The following VPS13D variants were observed in gnomAD, a reference collection of about 807,000 sequenced individuals.
The protein encoded by VPS13D is vacuolar protein sorting 13 homolog D, also known as intermembrane lipid transfer protein VPS13D.
Under a neutral mutation model 461.9 loss-of-function variants are expected in VPS13D, and 187 were observed. That is an observed-to-expected ratio of 0.40 (90% confidence interval 0.36 to 0.46). The LOEUF (loss-of-function observed/expected upper bound fraction) is 0.46, where lower values mean the gene tolerates loss of function less well. Among genes scored for constraint, VPS13D ranks in the 20% least tolerant of loss-of-function variants. The probability of loss-of-function intolerance (pLI) is 0.60; values close to 1 mark genes in which losing one functional copy is unlikely to be tolerated. For missense variants in VPS13D, 4,711 were observed against 5,364.9 expected, an observed-to-expected ratio of 0.88 and a Z score of 3.81; for synonymous variants, 1,951 against 1,986.3, an observed-to-expected ratio of 0.98 and a Z score of 0.47.
intron 2 of VPS13D, among the ~76,000 whole-genome samples, chr1:12,237,819 C>T (rs550194884): frequency 1.3e-5 from 2 of 151,836 alleles, no homozygotes; most frequent in African/African-American, 2.4e-5. Flanking sequence ...AGAGCAAGAC[C>T]CTGTTTCAAA....
Position 12,378,596 on chromosome 1 carries a change from T to C in VPS13D, c.11081+5T>C. On this transcript the variant is annotated splice_donor_5th_base_variant and intron_variant, in intron 56 of 69. Coordinates refer to ENST00000620676, the MANE Select transcript of VPS13D (RefSeq NM_015378.4). ...CGCTGCAGTGACTGACAACAGGTAA[T>C]TTTCTAGGCAACTTTTGATTCAAGC... The C allele has an allele frequency of 2.6e-6, 4 of 1,537,860 alleles. No individual in the cohort carries two copies. The highest frequency in any genetic ancestry group is 3.5e-6 in the Non-Finnish European group (4 of 1,139,722).
At chr1:12,311,397 A>G (rs1226175405) in intron 27 of VPS13D, 57 bp from the exon 28 acceptor site, 49 of 1,523,924 alleles carry the variant, frequency 3.2e-5, no homozygotes, top group African/African-American at 9.7e-5. Context: ...GGCGTGAGCT[A>G]TGTCAGTGTT....
chr1:12,275,730 GT>G lies in VPS13D; in HGVS notation c.2237-93del, dbSNP rs1308743676. ...CCTCAGTTTTCTTAAACAAACTGGG[GT>G]TGGTTGATTCTCTACCTTTCATAAT... is the stretch of plus-strand genomic sequence containing the variant. On this transcript the variant is annotated intron_variant, in intron 18 of 69. Transcript: ENST00000620676. The G allele has an allele frequency of 2.3e-6, 3 of 1,279,402 alleles. No individual in the cohort carries two copies. In the African/African-American group the frequency reaches 4.5e-5, roughly 19 times the overall value. The allele number at this position is 1,279,402 out of a possible 1,614,324, so 79.3% of individuals were successfully genotyped here.
intron 64 of VPS13D, among the ~76,000 whole-genome samples, chr1:12,416,193 TGGA>T (rs1252065091): frequency 6.6e-6 from 1 of 152,052 alleles, no homozygotes; most frequent in Non-Finnish European, 1.5e-5. Context: ...AAAGAAACAG[TGGA>T]GGTTTGCTTG....
In VPS13D at chr1:12,327,835, C is replaced by T. The variant is rs566696841; in HGVS notation, c.8178C>T (p.Leu2726=). ...ACTGCATGGATTGTGATGTTCCTCT[C>T]GCTGAACTCACCTTTTCCCGTGAGT... ...IDDCMDCDVP[L]AELTFSRLNF... The change falls in exon 36 of 70, where the codon CTC becomes CTT. Residue 2726 remains leucine, a synonymous_variant. Coordinates refer to ENST00000620676, the MANE Select transcript of VPS13D (RefSeq NM_015378.4). 3.0e-5 allele frequency: 48 copies of T among 1,613,868 alleles called. No homozygotes were observed. Among genetic ancestry groups the T allele is most frequent in the Admixed American group, 3.3e-5 (2 of 60,018 alleles).
chr1:12,331,145 G>A (rs538369810), intron 37 of VPS13D, among the ~76,000 whole-genome samples: 3 of 152,256 alleles, frequency 2.0e-5, no homozygotes, highest in East Asian at 3.9e-4. Context: ...TAATATATTA[G>A]GGCCAAGTGG....
intron 1 of VPS13D, among the ~76,000 whole-genome samples, chr1:12,230,652 T>C (rs1002853876): frequency 6.6e-6 from 1 of 151,986 alleles, no homozygotes; most frequent in African/African-American, 2.4e-5. Context: ...GAGGTCACAC[T>C]CTCGCGTGGA....
At chr1:12,503,371 A>T (rs1427406861) in intron 68 of VPS13D, among the ~76,000 whole-genome samples, 1 of 150,554 alleles carries the variant, frequency 6.6e-6, no homozygotes, top group Non-Finnish European at 1.5e-5. Flanking sequence ...TTTAATAGAG[A>T]TGGGGTCTCA....
rs1644478606 is a variant in VPS13D at position 12,395,137 on chromosome 1, CT to C, written c.11635-5043del. ...CTGAGGAGAATCAACATTACTTTGC[CT>C]GGCAGCTGCCTCAAGAGAGGTCATC... On this transcript the variant is annotated intron_variant, in intron 60 of 69. Coordinates refer to ENST00000620676, the MANE Select transcript of VPS13D (RefSeq NM_015378.4). 2.6e-5 allele frequency among the ~76,000 whole-genome samples: 4 copies of C among 152,276 alleles called. No homozygotes were observed. In the East Asian group the frequency reaches 7.7e-4, roughly 29 times the overall value.
At chr1:12,471,921 GA>G (rs113476726) in intron 67 of VPS13D, among the ~76,000 whole-genome samples, 1,764 of 148,702 alleles carry the variant, frequency 0.012, 39 homozygotes, top group African/African-American at 0.04. Context: ...CTTTAAAAAA[GA>G]AAAAAAAAAT....
At chr1:12,444,699 C>T (rs887314206) in intron 65 of VPS13D, among the ~76,000 whole-genome samples, 5 of 152,132 alleles carry the variant, frequency 3.3e-5, no homozygotes, top group African/African-American at 1.2e-4. Flanking sequence ...GTAAAACTGT[C>T]CATCTTATTT....
Position 12,333,304 on chromosome 1 carries a change from G to T in VPS13D, c.8366G>T (p.Arg2789Leu). Residue 2789 changes from arginine (R) to leucine (L), a missense_variant, in exon 38 of 70, where the codon CGA (arginine) becomes CTA (leucine). Arg to Leu is a moderately radical substitution (Grantham distance 102). Around this residue, in one of 3 missense-constraint regions of VPS13D, gnomAD observed 4,411 missense variants for 4,937.8 expected, o/e 0.89. Coordinates refer to ENST00000620676, the MANE Select transcript of VPS13D (RefSeq NM_015378.4). ...QQAASRLHPP[R>L]LKLEAKAKPR... ...GCAGCTAGTCGTCTCCATCCTCCTC[G>T]ACTGAAGCTAGAAGCCAAGGCCAAA... The T allele has an allele frequency of 6.2e-7, 1 of 1,614,076 alleles. No individual in the cohort carries two copies. Among genetic ancestry groups the T allele is most frequent in the Non-Finnish European group, 8.5e-7 (1 of 1,179,974 alleles).
At chr1:12,338,403 G>A (rs1006574587) in intron 40 of VPS13D, 98 bp downstream of exon 40, 115 of 1,042,772 alleles carry the variant, frequency 1.1e-4, no homozygotes, top group Non-Finnish European at 1.0e-4. Flanking sequence ...TGAATTGGGG[G>A]TATTCCATGT....
At chr1:12,330,599 ACT>A (rs1643304846) in intron 37 of VPS13D, among the ~76,000 whole-genome samples, 1 of 151,720 alleles carries the variant, frequency 6.6e-6, no homozygotes, top group African/African-American at 2.4e-5. Context: ...ACCGAGTCTC[ACT>A]CTGTCACCCA....
chr1:12,449,903 T>C (rs911259024), intron 65 of VPS13D, among the ~76,000 whole-genome samples: 3 of 152,174 alleles, frequency 2.0e-5, no homozygotes, highest in Admixed American at 6.5e-5. Context: ...GGTAGGCAGA[T>C]CACATGAAGC....
intron 1 of VPS13D, among the ~76,000 whole-genome samples, chr1:12,231,786 C>G (rs1639981940): frequency 6.6e-5 from 10 of 152,126 alleles, no homozygotes; most frequent in Non-Finnish European, 1.2e-4. Flanking sequence ...GTCAGGATTT[C>G]AGACCAGCCT....
chr1:12,436,111 A>G lies in VPS13D; in HGVS notation c.12333+19284A>G, dbSNP rs137948362. On this transcript the variant is annotated intron_variant, in intron 65 of 69. Coordinates refer to ENST00000620676, the MANE Select transcript of VPS13D (RefSeq NM_015378.4). ...TGTGCTAGGCACAGGGGACACAGACATAAACAAAACAAAGCCCTCTCCCCT... is the reference window on the plus strand; with the variant it reads ...TGTGCTAGGCACAGGGGACACAGACGTAAACAAAACAAAGCCCTCTCCCCT... Among the ~76,000 whole-genome samples the G allele has an allele frequency of 3.6e-4, 55 of 152,372 alleles. No individual in the cohort carries two copies. The East Asian group carries it at 9.2e-3, about 26-fold the overall frequency.
intron 35 of VPS13D, among the ~76,000 whole-genome samples, chr1:12,326,320 G>GTTTTTTTTTTT (rs1373395284): frequency 8.6e-6 from 1 of 116,736 alleles, no homozygotes; most frequent in African/African-American, 3.4e-5. Context: ...GAACCTTTTG[G>GTTTTTTTTTTT]ATTTTTTTTT....
At chr1:12,471,920 A>G (rs1263628800) in intron 67 of VPS13D, among the ~76,000 whole-genome samples, 1 of 151,930 alleles carries the variant, frequency 6.6e-6, no homozygotes, top group African/African-American at 2.4e-5. Flanking sequence ...TCTTTAAAAA[A>G]GAAAAAAAAA....
Sources: allele counts gnomAD v4.1 joint callset (sites outside exome capture counted in the v4.1 genomes callset), GRCh38; gene constraint gnomAD v4.1.1; regional missense constraint gnomAD v4.1.1; transcripts MANE v1.5; gene names NCBI Gene and HGNC (gene_info 2026-07-23, HGNC 2026-07-21).